Variants in NEO1 observed in about 807,000 individuals in gnomAD.
The protein encoded by NEO1 is neogenin.
A neutral mutation model predicts 159.7 loss-of-function variants in NEO1; 63 were observed. That is an observed-to-expected ratio of 0.39 (90% confidence interval 0.32 to 0.49). NEO1 has a LOEUF of 0.49. Among genes scored for constraint, NEO1 ranks in the 20% least tolerant of loss-of-function variants. NEO1 has a pLI of 0.85. For missense variants in NEO1, 1,615 were observed against 1,831.0 expected, an observed-to-expected ratio of 0.88 and a Z score of 2.15; for synonymous variants, 633 against 662.0, an observed-to-expected ratio of 0.96 and a Z score of 0.67.
rs2042735499 is a variant in NEO1 at position 73,304,997 on chromosome 15, T to G, written c.*2301T>G. 6.6e-6 allele frequency: 1 copy of G among 152,232 alleles called. No homozygotes were observed. Among genetic ancestry groups the G allele is most frequent in the African/African-American group, 2.4e-5 (1 of 41,450 alleles). The allele number at this position is 152,232 out of a possible 1,614,324, so 9.4% of individuals were successfully genotyped here. A position where few individuals can be genotyped will look rare whatever the true frequency, so the allele number is the denominator to read the frequency against. On this transcript the variant is annotated 3_prime_UTR_variant, in exon 29 of 29. Transcript: ENST00000261908. Reference sequence around the variant, plus strand: ...TGTAGTGTCCTGGTTGAGCTGCCGCTCAGCAGCTTCCTCGGGGGGATTTGG... The same window carrying G: ...TGTAGTGTCCTGGTTGAGCTGCCGCGCAGCAGCTTCCTCGGGGGGATTTGG...
chr15:73,102,133 C>T (rs1006345764), intron 1 of NEO1, among the ~76,000 whole-genome samples: 1 of 152,042 alleles, frequency 6.6e-6, no homozygotes, highest in Non-Finnish European at 1.5e-5. Context: ...CTTTAGAGGC[C>T]GAGGCGGGCG....
chr15:73,111,879 C>T (rs1018590963), intron 1 of NEO1, among the ~76,000 whole-genome samples: 6 of 152,176 alleles, frequency 3.9e-5, no homozygotes, highest in African/African-American at 1.4e-4. Flanking sequence ...AAGCAATCCG[C>T]CTGCCTTGGC....
chr15:73,074,466 T>C (rs2068677026), intron 1 of NEO1, among the ~76,000 whole-genome samples: 1 of 152,172 alleles, frequency 6.6e-6, no homozygotes, highest in Non-Finnish European at 1.5e-5. Context: ...TAAAATGAAG[T>C]GTTCCTTTGC....
intron 7 of NEO1, among the ~76,000 whole-genome samples, chr15:73,204,192 T>A (rs1000362284): frequency 6.6e-6 from 1 of 152,050 alleles, no homozygotes; most frequent in Non-Finnish European, 1.5e-5. Flanking sequence ...CTGTAATTCT[T>A]ATCATTATTC....
At chr15:73,188,531 T>G (rs1484896784) in intron 7 of NEO1, among the ~76,000 whole-genome samples, 1 of 152,172 alleles carries the variant, frequency 6.6e-6, no homozygotes, top group Non-Finnish European at 1.5e-5. Context: ...TTGGGACATT[T>G]AAGTCATTTC....
At chr15:73,109,556 G>A (rs983459126) in intron 1 of NEO1, among the ~76,000 whole-genome samples, 2 of 150,970 alleles carry the variant, frequency 1.3e-5, no homozygotes, top group African/African-American at 4.9e-5. Flanking sequence ...GTGGAATAAA[G>A]GAATTTAGAT....
Position 73,249,633 on chromosome 15 carries a change from T to C in NEO1, c.1806T>C (p.Tyr602=), listed in dbSNP as rs1386444404. Residue 602 remains tyrosine (Y), a synonymous_variant, in exon 11 of 29, where the codon TAT becomes TAC. Coordinates refer to ENST00000261908, the MANE Select transcript of NEO1 (RefSeq NM_002499.4). The part of the protein sequence containing the change: ...HSYTINGLKK[Y]TEYSFRVVAY... ...ACACCATTAATGGGTTGAAAAAATA[T>C]ACAGAGTATAGTTTCCGAGTGGTGG... 6 of 1,613,638 alleles carry C rather than the reference T, an allele frequency of 3.7e-6. No homozygotes were observed. The highest frequency in any genetic ancestry group is 1.7e-5 in the Admixed American group (1 of 59,862).
intron 5 of NEO1, among the ~76,000 whole-genome samples, chr15:73,167,275 T>TAA (rs57353803): frequency 6.9e-6 from 1 of 144,642 alleles, no homozygotes; most frequent in Non-Finnish European, 1.5e-5. Context: ...AAGGTATAAT[T>TAA]AAAAAAAAAA....
intron 28 of NEO1, among the ~76,000 whole-genome samples, chr15:73,302,087 GT>G (rs2042640859): frequency 6.6e-6 from 1 of 152,100 alleles, no homozygotes; most frequent in Non-Finnish European, 1.5e-5. Flanking sequence ...TCTTTTCTTG[GT>G]TTGAACCATC....
At chr15:73,211,483 G>A (rs1447019392) in intron 7 of NEO1, among the ~76,000 whole-genome samples, 1 of 152,308 alleles carries the variant, frequency 6.6e-6, no homozygotes, top group East Asian at 1.9e-4. Flanking sequence ...TTGGGAGGCC[G>A]AGGCGGGCGG....
In NEO1 at chr15:73,124,026, G is replaced by T. The variant is rs116142940; in HGVS notation, c.724+1226G>T. ...ACAGTATCTTTTAAAGTGTGCGTTT[G>T]TGCGTGTGTGTGTGTGAGCGCCTGT... On this transcript the variant is annotated intron_variant, in intron 3 of 28. Coordinates refer to ENST00000261908, the MANE Select transcript of NEO1 (RefSeq NM_002499.4). Among the ~76,000 whole-genome samples, 337 of 152,204 alleles carry T rather than the reference G, an allele frequency of 2.2e-3. 1 individual carries two copies. The highest frequency in any genetic ancestry group is 7.3e-3 in the African/African-American group (302 of 41,524).
chr15:73,277,995 T>G (rs971061524), intron 21 of NEO1, 136 bp from the exon 22 acceptor site: 1 of 666,014 alleles, frequency 1.5e-6, no homozygotes, highest in Non-Finnish European at 2.5e-6. Flanking sequence ...TTCCCATGAT[T>G]TATGTGCTAC....
Position 73,303,934 on chromosome 15 carries a change from T to G in NEO1, c.*1238T>G, listed in dbSNP as rs1281764369. 1.3e-5 allele frequency: 2 copies of G among 152,230 alleles called. No homozygotes were observed. Among genetic ancestry groups the G allele is most frequent in the African/African-American group, 4.8e-5 (2 of 41,438 alleles). The allele number at this position is 152,230 out of a possible 1,614,324, so 9.4% of individuals were successfully genotyped here. ...TTTGTTTCCGTATACGACTCCTTCT[T>G]CTCTCTAGTTCAGTCTTCAGCCAGT... On this transcript the variant is annotated 3_prime_UTR_variant, in exon 29 of 29. Coordinates refer to ENST00000261908, the MANE Select transcript of NEO1 (RefSeq NM_002499.4).
At chr15:73,128,527 T>C (rs996493770) in intron 4 of NEO1, among the ~76,000 whole-genome samples, 2 of 152,240 alleles carry the variant, frequency 1.3e-5, no homozygotes, top group Non-Finnish European at 2.9e-5. Flanking sequence ...ATGCTGGCTA[T>C]GTCATGCATG....
intron 5 of NEO1, chr15:73,162,556 C>G: frequency 6.5e-6 from 1 of 154,132 alleles, no homozygotes; most frequent in South Asian, 1.9e-4. Context: ...CCATGCCCAG[C>G]TAATTTTTGA....
chr15:73,084,175 T>G (rs1160404466), intron 1 of NEO1, among the ~76,000 whole-genome samples: 1 of 152,008 alleles, frequency 6.6e-6, no homozygotes, highest in East Asian at 1.9e-4. Context: ...AAAAAAAATC[T>G]CCCAGCGATT....
intron 5 of NEO1, among the ~76,000 whole-genome samples, chr15:73,152,468 C>T (rs374074853): frequency 9.2e-5 from 14 of 152,252 alleles, no homozygotes; most frequent in African/African-American, 3.1e-4. Context: ...CATGGAAGCT[C>T]TGCGCCCCTT....
chr15:73,060,063 CTTTA>C (rs2067904385), intron 1 of NEO1, among the ~76,000 whole-genome samples: 1 of 151,694 alleles, frequency 6.6e-6, no homozygotes, highest in African/African-American at 2.4e-5. Context: ...CAAAATATGT[CTTTA>C]TTTATGAGGT....
At chr15:73,234,741 AAAAG>A (rs1297537116) in intron 7 of NEO1, among the ~76,000 whole-genome samples, 6 of 152,226 alleles carry the variant, frequency 3.9e-5, no homozygotes, top group African/African-American at 1.2e-4. Context: ...AGGAGAAAAA[AAAAG>A]GGAGCATGAG....
Sources: gnomAD v4.1 joint callset for allele counts (sites outside exome capture counted in the v4.1 genomes callset) on GRCh38, gnomAD v4.1.1 for gene constraint, MANE v1.5 for transcripts, NCBI Gene and HGNC (gene_info 2026-07-23, HGNC 2026-07-21) for gene names.